PACS2: variants seen among roughly 807,000 people sequenced by gnomAD.
PACS2 encodes phosphofurin acidic cluster sorting protein 2, also known as PACS1-like protein.
In PACS2, 36 loss-of-function variants were observed where a neutral mutation model predicts 113.0. The observed-to-expected ratio is 0.32, with a 90% CI of 0.24 to 0.42. The LOEUF is 0.42. Among genes scored for constraint, PACS2 ranks in the 10% least tolerant of loss-of-function variants. PACS2 has a pLI of 1.00. For missense variants in PACS2, 1,015 were observed against 1,239.5 expected, an observed-to-expected ratio of 0.82 and a Z score of 2.72; for synonymous variants, 589 against 536.1, an observed-to-expected ratio of 1.10 and a Z score of -1.36.
chr14:105,309,872 G>A (rs1280685289), upstream of PACS2, among the ~76,000 whole-genome samples: 3 of 136,278 alleles, frequency 2.2e-5, no homozygotes, highest in Non-Finnish European at 4.6e-5. The surrounding 1 kb of genome is among the most constrained non-coding windows in gnomAD (Gnocchi z 4.0). Context: ...TGCAAGCTCC[G>A]CCTCCTGGAT....
At chr14:105,310,747 C>G (rs587660349), upstream of PACS2, among the ~76,000 whole-genome samples, 1 of 152,252 alleles carries the variant, frequency 6.6e-6, no homozygotes, top group East Asian at 1.9e-4. Context: ...ACAATTAATA[C>G]ATGTTCATCA....
chr14:105,349,070 C>T (rs1229164926), intron 2 of PACS2, among the ~76,000 whole-genome samples: 3 of 152,208 alleles, frequency 2.0e-5, no homozygotes, highest in African/African-American at 4.8e-5. Flanking sequence ...GAACAAGTAG[C>T]GGTTCCAGAG....
chr14:105,391,357 G>A (rs1040640709), intron 21 of PACS2, 108 bp downstream of exon 21: 21 of 847,846 alleles, frequency 2.5e-5, no homozygotes, highest in East Asian at 1.0e-4. Context: ...CCTGAGAGCC[G>A]CCACGTCCCA....
At chr14:105,304,414 G>A (rs2058120470) in intron 1 of PACS2, among the ~76,000 whole-genome samples, 1 of 152,180 alleles carries the variant, frequency 6.6e-6, no homozygotes, top group Non-Finnish European at 1.5e-5. Context: ...CTTGAACCTG[G>A]GAGGCGGGAG....
intron 14 of PACS2, 74 bp downstream of exon 14, chr14:105,382,655 T>G: frequency 9.7e-7 from 1 of 1,035,010 alleles, no homozygotes; most frequent in Non-Finnish European, 1.5e-6. Context: ...AGCTGCCCCC[T>G]ACCCGGCACA....
chr14:105,381,109 G>A lies in PACS2; in HGVS notation c.1268+10G>A, dbSNP rs1322090666. The A allele has an allele frequency of 6.2e-7, 1 of 1,607,770 alleles. No homozygotes were observed. The highest frequency in any genetic ancestry group is 1.3e-5 in the African/African-American group (1 of 74,952). ...TCATCCCCTCCACCAGGTGATGGGG[G>A]CTGCACGGCGGGGCGGGGCGGTGAT... is the stretch of plus-strand genomic sequence containing the variant. On this transcript the variant is annotated intron_variant, in intron 12 of 24. Transcript: ENST00000447393.
At chr14:105,318,124 TATTA>T (rs1289733173) in intron 1 of PACS2, among the ~76,000 whole-genome samples, 1 of 152,222 alleles carries the variant, frequency 6.6e-6, no homozygotes, top group African/African-American at 2.4e-5. Context: ...GGTTGATGTT[TATTA>T]ATTTGTTTTT....
intron 22 of PACS2, 177 bp from the exon 23 acceptor site, chr14:105,392,442 G>T (rs997476568): frequency 6.6e-6 from 4 of 610,350 alleles, no homozygotes; most frequent in Admixed American, 5.7e-5. Flanking sequence ...GGACCCTTGT[G>T]GGGGTGACTG....
chr14:105,393,353 C>T lies in PACS2; in HGVS notation c.2596+18C>T, dbSNP rs370527255. 2.8e-5 allele frequency: 44 copies of T among 1,572,026 alleles called. No individual in the cohort carries two copies. Among genetic ancestry groups the T allele is most frequent in the Admixed American group, 8.4e-5 (5 of 59,518 alleles). ...GCTGCGGGGTGAGCACCACCGGCCCCGGGGTCTGTAGAGTGGGACGTAGGT... is the reference window on the plus strand; with the variant it reads ...GCTGCGGGGTGAGCACCACCGGCCCTGGGGTCTGTAGAGTGGGACGTAGGT... On this transcript the variant is annotated intron_variant, in intron 24 of 24. Transcript: ENST00000447393.
Position 105,351,496 on chromosome 14 carries a change from A to G in PACS2, c.208-882A>G, listed in dbSNP as rs587724261. On this transcript the variant is annotated intron_variant, in intron 2 of 24. Coordinates refer to ENST00000447393, the MANE Select transcript of PACS2 (RefSeq NM_001100913.3). ...CGTATTTTAAGTATTGTATCTCTGT[A>G]TGTTTTACTTTCTGAGAGGACCAGT... is the stretch of plus-strand genomic sequence containing the variant. Among the ~76,000 whole-genome samples, 25 of 152,098 alleles carry G rather than the reference A, an allele frequency of 1.6e-4. No individual in the cohort carries two copies. The South Asian group carries it at 4.8e-3, about 29-fold the overall frequency.
Position 105,354,940 on chromosome 14 carries a change from G to A in PACS2, c.298-112G>A, listed in dbSNP as rs1472445354. ...TCTGTGGGTGCCCTTCCGATCTCAT[G>A]GGCAGCAGGTTGGCCTGGTCGCAGG... On this transcript the variant is annotated intron_variant, in intron 3 of 24. Transcript: ENST00000447393. This position sits in a 1 kb window ranked among gnomAD's most constrained non-coding sequence, Gnocchi z 4.2. 10 of 1,068,824 alleles carry A rather than the reference G, an allele frequency of 9.4e-6. No individual in the cohort carries two copies. Among genetic ancestry groups the A allele is most frequent in the Non-Finnish European group, 1.4e-5 (10 of 735,086 alleles). 66.2% of individuals were successfully genotyped at this position (1,068,824 alleles called of 1,614,324 possible).
intron 1 of PACS2, among the ~76,000 whole-genome samples, chr14:105,320,244 G>A (rs954648393): frequency 1.3e-5 from 2 of 152,166 alleles, no homozygotes; most frequent in Non-Finnish European, 2.9e-5. Context: ...CCAAAGTGCT[G>A]GGATTACAGG....
chr14:105,323,258 T>C lies in PACS2; in HGVS notation c.119+8221T>C, dbSNP rs1479205446. On this transcript the variant is annotated intron_variant, in intron 1 of 24. Coordinates refer to ENST00000447393, the MANE Select transcript of PACS2 (RefSeq NM_001100913.3). The surrounding 1 kb of genome is among the most constrained non-coding windows in gnomAD (Gnocchi z 4.1). ...GTTCTGCGCTATTCTCTCTCTCACCTCTGGAGCAACAATTGGACGTGTTGC... is the reference window on the plus strand; with the variant it reads ...GTTCTGCGCTATTCTCTCTCTCACCCCTGGAGCAACAATTGGACGTGTTGC... Among the ~76,000 whole-genome samples the C allele has an allele frequency of 6.6e-6, 1 of 152,214 alleles. No homozygotes were observed. The highest frequency in any genetic ancestry group is 1.5e-5 in the Non-Finnish European group (1 of 68,030).
chr14:105,382,176 C>A, intron 13 of PACS2, 118 bp downstream of exon 13: 1 of 1,202,786 alleles, frequency 8.3e-7, no homozygotes, highest in Non-Finnish European at 1.1e-6. Context: ...ACAGAGCATG[C>A]CTGGGCTTTG....
chr14:105,373,413 T>G (rs1555409759), intron 8 of PACS2, among the ~76,000 whole-genome samples: 1 of 152,228 alleles, frequency 6.6e-6, no homozygotes, highest in Non-Finnish European at 1.5e-5. Context: ...AAGTGAACCC[T>G]TCCATTTATG....
chr14:105,318,704 G>A (rs112607161), intron 1 of PACS2, among the ~76,000 whole-genome samples: 21 of 151,478 alleles, frequency 1.4e-4, no homozygotes, highest in African/African-American at 4.9e-4. Context: ...TGTCACCCAG[G>A]CTGGAGTGCA....
In PACS2 at chr14:105,324,695, G is replaced by A. The variant is rs912749839; in HGVS notation, c.119+9658G>A. Among the ~76,000 whole-genome samples, 25 of 152,310 alleles carry A rather than the reference G, an allele frequency of 1.6e-4. No individual in the cohort carries two copies. Among genetic ancestry groups the A allele is most frequent in the Admixed American group, 1.4e-3 (21 of 15,308 alleles). On this transcript the variant is annotated intron_variant, in intron 1 of 24. Transcript: ENST00000447393. The surrounding 1 kb of genome is among the most constrained non-coding windows in gnomAD (Gnocchi z 4.7). ...TCGTCAGCAGCTCCTCGAGGGCTCC[G>A]GCCTGTGGAGGCCGGTGGCGCCCCG...
At chr14:105,345,051 G>T (rs1442730211) in intron 1 of PACS2, among the ~76,000 whole-genome samples, 1 of 151,524 alleles carries the variant, frequency 6.6e-6, no homozygotes, top group South Asian at 2.1e-4. Flanking sequence ...GGAGGTTGCA[G>T]TGAGCCGAGA....
intron 1 of PACS2, among the ~76,000 whole-genome samples, chr14:105,304,521 A>G (rs933589397): frequency 1.3e-5 from 2 of 152,126 alleles, no homozygotes; most frequent in African/African-American, 2.4e-5. Context: ...ATAAAATATA[A>G]AAAAGGGTGA....
Sources: gnomAD v4.1 joint callset for allele counts (sites outside exome capture counted in the v4.1 genomes callset) on GRCh38, gnomAD v4.1.1 for gene constraint, Gnocchi (gnomAD v3.1) non-coding constraint, MANE v1.5 for transcripts, NCBI Gene and HGNC (gene_info 2026-07-23, HGNC 2026-07-21) for gene names.